The following VPS35L variants were observed in gnomAD, a reference collection of about 807,000 sequenced individuals.
VPS35L encodes the protein VPS35 endosomal protein-sorting factor-like.
In VPS35L, 83 loss-of-function variants were observed where a neutral mutation model predicts 133.0. The ratio of observed to expected loss-of-function variants is 0.62; its 90% CI spans 0.52 to 0.75. VPS35L has a LOEUF of 0.75. VPS35L is among the 30% of genes least tolerant of loss of function. The probability of loss-of-function intolerance (pLI) is 0.00; values close to 1 mark genes in which losing one functional copy is unlikely to be tolerated. For missense variants in VPS35L, 1,083 were observed against 1,206.8 expected (o/e 0.90, Z 1.52); for synonymous variants, 423 against 449.9 (o/e 0.94, Z 0.76).
At chr16:19,634,640 T>C (rs1973569443) in intron 19 of VPS35L, among the ~76,000 whole-genome samples, 1 of 152,118 alleles carries the variant, frequency 6.6e-6, no homozygotes, top group African/African-American at 2.4e-5. Flanking sequence ...AATGGTAGAA[T>C]TGGAAAAATC....
intron 21 of VPS35L, among the ~76,000 whole-genome samples, chr16:19,641,113 C>T (rs1406090159): frequency 6.6e-6 from 1 of 151,944 alleles, no homozygotes; most frequent in African/African-American, 2.4e-5. Flanking sequence ...CACCCAGGCT[C>T]GAGTGAAATG....
At chr16:19,698,447 A>G (rs182451577) in intron 29 of VPS35L, among the ~76,000 whole-genome samples, 47 of 152,268 alleles carry the variant, frequency 3.1e-4, no homozygotes, top group Non-Finnish European at 5.9e-4. Flanking sequence ...CACTCAGGTC[A>G]TCTAAGATAT....
intron 5 of VPS35L, among the ~76,000 whole-genome samples, chr16:19,576,817 C>T (rs1971554661): frequency 6.6e-6 from 1 of 151,944 alleles, no homozygotes. Flanking sequence ...AGCAATTCTC[C>T]CACCTCAGCC....
chr16:19,683,023 G>A lies in VPS35L; in HGVS notation c.2527+633G>A, dbSNP rs139782699. 9.7e-4 allele frequency among the ~76,000 whole-genome samples: 147 copies of A among 152,302 alleles called. 1 individual carries two copies. Among genetic ancestry groups the A allele is most frequent in the African/African-American group, 3.5e-3 (144 of 41,586 alleles). On this transcript the variant is annotated intron_variant, in intron 28 of 30. Transcript: ENST00000417362. Reference sequence around the variant, plus strand: ...CACTGCAGCCTTTACAGCCCAGGCTGAAGCAGTCCTCCCACCTCAGCTTCC... The same window carrying A: ...CACTGCAGCCTTTACAGCCCAGGCTAAAGCAGTCCTCCCACCTCAGCTTCC...
intron 1 of VPS35L, among the ~76,000 whole-genome samples, chr16:19,556,810 G>GGT (rs1555494268): frequency 7.0e-6 from 1 of 142,880 alleles, no homozygotes; most frequent in Non-Finnish European, 1.5e-5. Context: ...ACACCCTGAG[G>GGT]TTTTTTTTTT....
intron 28 of VPS35L, among the ~76,000 whole-genome samples, chr16:19,685,051 CA>C (rs10709905): frequency 0.4 from 47,137 of 116,546 alleles, 7,401 homozygotes; most frequent in Middle Eastern, 0.46. Flanking sequence ...GACTCCATCT[CA>C]AAAAAAAAAA....
At chr16:19,687,491 G>A (rs944660886) in intron 28 of VPS35L, among the ~76,000 whole-genome samples, 1 of 152,194 alleles carries the variant, frequency 6.6e-6, no homozygotes, top group Non-Finnish European at 1.5e-5. Flanking sequence ...TGGAAATTCT[G>A]AGATTGACTC....
chr16:19,648,646 T>G (rs1031619265), intron 24 of VPS35L, among the ~76,000 whole-genome samples: 5 of 152,122 alleles, frequency 3.3e-5, no homozygotes, highest in Non-Finnish European at 5.9e-5. Flanking sequence ...GGCTAGCAGA[T>G]CACTTGAGGT....
At chr16:19,626,265 C>A in intron 15 of VPS35L, 42 bp downstream of exon 15, 1 of 1,462,844 alleles carries the variant, frequency 6.8e-7, no homozygotes, top group Non-Finnish European at 9.5e-7. Context: ...TTGAAAATGG[C>A]GTTGGCTGCT....
intron 26 of VPS35L, among the ~76,000 whole-genome samples, chr16:19,667,698 C>T (rs987839277): frequency 6.8e-6 from 1 of 147,318 alleles, no homozygotes; most frequent in Non-Finnish European, 1.5e-5. Flanking sequence ...CACACCGTTG[C>T]ACTTCAGCCT....
At chr16:19,693,410 G>T (rs1975772117) in intron 29 of VPS35L, among the ~76,000 whole-genome samples, 1 of 152,126 alleles carries the variant, frequency 6.6e-6, no homozygotes. Context: ...GGAGGCCCAG[G>T]TGGGAGGATT....
intron 22 of VPS35L, among the ~76,000 whole-genome samples, chr16:19,643,663 G>T (rs1381594800): frequency 1.3e-5 from 2 of 152,020 alleles, no homozygotes; most frequent in Non-Finnish European, 2.9e-5. Context: ...GAACAAAGTG[G>T]GGCTGGGCAT....
At chr16:19,558,254 G>A (rs1396779776) in intron 1 of VPS35L, among the ~76,000 whole-genome samples, 6 of 152,228 alleles carry the variant, frequency 3.9e-5, no homozygotes, top group Admixed American at 6.5e-5. Context: ...GACATCACTC[G>A]TAAAGTGCGT....
At chr16:19,572,955 G>A (rs1229655344) in intron 3 of VPS35L, among the ~76,000 whole-genome samples, 164 bp from the exon 4 acceptor site, 1 of 152,172 alleles carries the variant, frequency 6.6e-6, no homozygotes, top group Non-Finnish European at 1.5e-5. Context: ...GATTACAGGC[G>A]TGAGGCACCA....
In VPS35L at chr16:19,562,296, G is replaced by A. The variant is rs73529885; in HGVS notation, c.18-2555G>A. ...TTCGATCAGATATTGAGGGCAGCTG[G>A]ATATGGAGGGGGATTCTGGCTCAAT... On this transcript the variant is annotated intron_variant, in intron 1 of 30. Transcript: ENST00000417362. 5.8e-3 allele frequency among the ~76,000 whole-genome samples: 877 copies of A among 152,198 alleles called. 10 individuals carry two copies. Among genetic ancestry groups the A allele is most frequent in the African/African-American group, 0.02 (813 of 41,524 alleles).
chr16:19,640,113 G>A lies in VPS35L; in HGVS notation c.1784+13G>A. The A allele has an allele frequency of 3.7e-6, 6 of 1,609,056 alleles. No individual in the cohort carries two copies. The highest frequency in any genetic ancestry group is 5.1e-6 in the Non-Finnish European group (6 of 1,175,708). On this transcript the variant is annotated intron_variant, in intron 21 of 30. Coordinates refer to ENST00000417362, the MANE Select transcript of VPS35L (RefSeq NM_020314.7). The stretch of plus-strand genomic sequence containing the variant: ...ACGCCTTTATCAAGTGAGTGCCACT[G>A]CGTGCAGCAGAAGCCTTGATTCCCA...
intron 9 of VPS35L, chr16:19,607,629 T>C (rs226897): frequency 0.67 from 102,629 of 152,286 alleles, 35,923 homozygotes; most frequent in African/African-American, 0.86. Flanking sequence ...AGAGGCCTTG[T>C]TTTACCTTCC....
At chr16:19,590,131 C>A in intron 7 of VPS35L, among the ~76,000 whole-genome samples, 1 of 25,722 alleles carries the variant, frequency 3.9e-5, no homozygotes, top group African/African-American at 1.6e-4. Flanking sequence ...AGCTTACATT[C>A]CCGCCCCGCC....
At chr16:19,684,217 C>G (rs1263428117) in intron 28 of VPS35L, among the ~76,000 whole-genome samples, 2 of 152,164 alleles carry the variant, frequency 1.3e-5, no homozygotes, top group Non-Finnish European at 2.9e-5. Context: ...CCTGGACTTA[C>G]CACAGGACAT....
Sources: allele counts gnomAD v4.1 joint callset (sites outside exome capture counted in the v4.1 genomes callset), GRCh38; gene constraint gnomAD v4.1.1; transcripts MANE v1.5; gene names NCBI Gene and HGNC (gene_info 2026-07-23, HGNC 2026-07-21).